DOCK3: variants seen among roughly 807,000 people sequenced by gnomAD.
The protein encoded by DOCK3 is dedicator of cytokinesis 3.
DOCK3 carries 60 observed loss-of-function variants against 265.6 expected under a neutral mutation model. That is an observed-to-expected ratio of 0.23 (90% confidence interval 0.18 to 0.28). DOCK3 has a LOEUF of 0.28. Among genes scored for constraint, DOCK3 ranks in the 10% least tolerant of loss-of-function variants. The pLI is 1.00. For synonymous variants in DOCK3, 881 were observed against 938.0 expected (o/e 0.94, Z 1.11); for missense variants, 1,981 against 2,594.3 (o/e 0.76, Z 5.14).
intron 2 of DOCK3, among the ~76,000 whole-genome samples, chr3:50,821,780 C>T (rs991681187): frequency 4.6e-5 from 7 of 152,106 alleles, no homozygotes; most frequent in Non-Finnish European, 8.8e-5. Flanking sequence ...TTTTTGTCAG[C>T]CTTGTTGAAG....
chr3:51,198,642 TC>T (rs2088480617), intron 12 of DOCK3, among the ~76,000 whole-genome samples: 1 of 148,654 alleles, frequency 6.7e-6, no homozygotes, highest in Non-Finnish European at 1.5e-5. Flanking sequence ...ACTAATACAA[TC>T]TGTGTGCATT....
chr3:51,247,719 A>C (rs1262030631), intron 22 of DOCK3, among the ~76,000 whole-genome samples: 1 of 152,172 alleles, frequency 6.6e-6, no homozygotes, highest in Admixed American at 6.5e-5. Flanking sequence ...TTTCATACAA[A>C]TGCCTACTGA....
At chr3:50,696,827 T>C (rs146733562) in intron 1 of DOCK3, among the ~76,000 whole-genome samples, 1 of 152,298 alleles carries the variant, frequency 6.6e-6, no homozygotes, top group East Asian at 1.9e-4. Context: ...GTTAAGAATC[T>C]CTACTTTAAA....
At chr3:50,677,821 A>G (rs1283451299) in intron 1 of DOCK3, among the ~76,000 whole-genome samples, 1 of 152,182 alleles carries the variant, frequency 6.6e-6, no homozygotes, top group African/African-American at 2.4e-5. Flanking sequence ...AATTCTGTAC[A>G]GGTTATAACA....
At chr3:50,902,330 A>G (rs2049242162) in intron 4 of DOCK3, among the ~76,000 whole-genome samples, 1 of 152,196 alleles carries the variant, frequency 6.6e-6, no homozygotes, top group African/African-American at 2.4e-5. Flanking sequence ...TTTGCATTTA[A>G]GTCTTTAATC....
intron 1 of DOCK3, among the ~76,000 whole-genome samples, chr3:50,716,253 C>T (rs1331274161): frequency 2.0e-5 from 3 of 151,908 alleles, no homozygotes; most frequent in South Asian, 2.1e-4. Flanking sequence ...GTTGGCCAGG[C>T]GTGGTGGCTC....
intron 7 of DOCK3, among the ~76,000 whole-genome samples, chr3:51,079,472 A>AG (rs2082155575): frequency 6.6e-6 from 1 of 152,072 alleles, no homozygotes; most frequent in Admixed American, 6.6e-5. Flanking sequence ...AGCTGGGAGT[A>AG]TAGGTGCATG....
At chr3:51,167,955 T>C (rs1469920268) in intron 12 of DOCK3, among the ~76,000 whole-genome samples, 1 of 152,210 alleles carries the variant, frequency 6.6e-6, no homozygotes, top group Non-Finnish European at 1.5e-5. Flanking sequence ...TTGCTCTGGC[T>C]AGAACTTCTA....
intron 4 of DOCK3, among the ~76,000 whole-genome samples, chr3:50,917,689 A>G (rs908394037): frequency 4.0e-5 from 6 of 151,660 alleles, no homozygotes; most frequent in African/African-American, 1.5e-4. Flanking sequence ...TTTGTTTTCT[A>G]TCTCATTAAT....
At chr3:50,966,803 C>T (rs564238501) in intron 5 of DOCK3, among the ~76,000 whole-genome samples, 1 of 152,128 alleles carries the variant, frequency 6.6e-6, no homozygotes, top group African/African-American at 2.4e-5. Flanking sequence ...AGGGGATGAC[C>T]AACTTGCCTG....
chr3:51,260,314 C>G lies in DOCK3; in HGVS notation c.2343C>G (p.Leu781=), dbSNP rs1403665196. The G allele has an allele frequency of 1.2e-6, 2 of 1,613,588 alleles. No individual in the cohort carries two copies. The highest frequency in any genetic ancestry group is 2.7e-5 in the African/African-American group (2 of 74,908). Residue 781 remains leucine (L), a synonymous_variant, in exon 23 of 53, where the codon CTC becomes CTG. Coordinates refer to ENST00000266037, the MANE Select transcript of DOCK3 (RefSeq NM_004947.5). ...LSLDSRNSET[L]LFTQAALLNS... ...TGGACAGCCGAAACTCAGAAACACTCCTTTTTACTCAGGTTCGCACACTGC... is the reference window on the plus strand; with the variant it reads ...TGGACAGCCGAAACTCAGAAACACTGCTTTTTACTCAGGTTCGCACACTGC...
intron 22 of DOCK3, among the ~76,000 whole-genome samples, chr3:51,259,756 C>T (rs2079755144): frequency 6.6e-6 from 1 of 152,188 alleles, no homozygotes; most frequent in Non-Finnish European, 1.5e-5. Flanking sequence ...ACACTTCCTT[C>T]TTGCAGTAAA....
chr3:50,793,593 C>T (rs1559645260), intron 2 of DOCK3, among the ~76,000 whole-genome samples: 1 of 151,810 alleles, frequency 6.6e-6, no homozygotes, highest in Non-Finnish European at 1.5e-5. Flanking sequence ...CCTGATCTCA[C>T]GTGATCCACC....
intron 2 of DOCK3, among the ~76,000 whole-genome samples, chr3:50,814,902 G>A (rs2043984259): frequency 6.6e-6 from 1 of 151,752 alleles, no homozygotes; most frequent in Non-Finnish European, 1.5e-5. Context: ...TTGGCTCACT[G>A]CAACCTCCGC....
intron 5 of DOCK3, among the ~76,000 whole-genome samples, chr3:50,945,152 CTG>C (rs2076394056): frequency 6.6e-6 from 1 of 152,094 alleles, no homozygotes; most frequent in African/African-American, 2.4e-5. Context: ...TTAATTTTGA[CTG>C]TGAATTTTTC....
Position 50,984,437 on chromosome 3 carries a change from T to G in DOCK3, c.315+50360T>G, listed in dbSNP as rs559081618. ...TGTAGTGGTGATGAGTTCCCTCAATTTTTGCTTGTCTGGTAGAGACTATTT... is the reference window on the plus strand; with the variant it reads ...TGTAGTGGTGATGAGTTCCCTCAATGTTTGCTTGTCTGGTAGAGACTATTT... On this transcript the variant is annotated intron_variant, in intron 5 of 52. Coordinates refer to ENST00000266037, the MANE Select transcript of DOCK3 (RefSeq NM_004947.5). Among the ~76,000 whole-genome samples, 8 of 152,244 alleles carry G rather than the reference T, an allele frequency of 5.3e-5. No homozygotes were observed. In the East Asian group the frequency reaches 1.5e-3, roughly 29 times the overall value.
At chr3:50,998,032 G>A (rs1431206797) in intron 5 of DOCK3, among the ~76,000 whole-genome samples, 1 of 152,016 alleles carries the variant, frequency 6.6e-6, no homozygotes, top group Non-Finnish European at 1.5e-5. Context: ...CAAACTTTCT[G>A]AGATGAGTAA....
In DOCK3 at chr3:51,333,179, A is replaced by G. The variant is rs1351000693; in HGVS notation, c.3537A>G (p.Gln1179=). 5.0e-6 allele frequency: 8 copies of G among 1,614,008 alleles called. No individual in the cohort carries two copies. The highest frequency in any genetic ancestry group is 1.1e-5 in the South Asian group (1 of 91,088). The stretch of plus-strand genomic sequence containing the variant: ...ATAGCCTGCTGGAGAAGGTTGAACA[A>G]GAAACATGGCGCGAGACCGGCATTT... ...PYPSLLEKVE[Q]ETWRETGISF... is the part of the protein sequence containing the mutation. Residue 1179 remains glutamine (Q), a synonymous_variant, in exon 35 of 53, where the codon CAA becomes CAG. Transcript: ENST00000266037.
At chr3:51,172,874 T>G (rs771839744) in intron 12 of DOCK3, among the ~76,000 whole-genome samples, 3 of 152,352 alleles carry the variant, frequency 2.0e-5, no homozygotes, top group Non-Finnish European at 2.9e-5. Context: ...TTTTTTGTTA[T>G]GACAATTTAA....
Sources: gnomAD v4.1 joint callset for allele counts (sites outside exome capture counted in the v4.1 genomes callset) on GRCh38, gnomAD v4.1.1 for gene constraint, MANE v1.5 for transcripts, NCBI Gene and HGNC (gene_info 2026-07-23, HGNC 2026-07-21) for gene names.